The following CPXCR1 variants were observed in gnomAD, a reference collection of about 807,000 sequenced individuals.
CPXCR1 encodes the protein CPX chromosomal region candidate gene 1 protein.
In CPXCR1, 15 loss-of-function variants were observed where a neutral mutation model predicts 13.8. The observed-to-expected ratio is 1.09, with a 90% CI of 0.73 to 1.67. CPXCR1 has a LOEUF of 1.67. Ranked by LOEUF, CPXCR1 falls within the 40% of genes most tolerant of loss-of-function variation. The pLI, the probability that CPXCR1 is intolerant of heterozygous loss-of-function variation, is 0.00. For synonymous variants in CPXCR1, 70 were observed against 76.7 expected (o/e 0.91, Z 0.46); for missense variants, 247 against 223.6 (o/e 1.10, Z -0.67).
At position 88,753,849 on chromosome X, in the gene CPXCR1, T is replaced by A. The variant is rs768808382; in HGVS notation, c.435T>A (p.Ser145Arg). 15 of 1,204,798 alleles carry A rather than the reference T, an allele frequency of 1.2e-5. No individual in the cohort carries two copies. The highest frequency in any genetic ancestry group is 1.8e-5 in the African/African-American group (1 of 56,977). The part of the protein sequence containing the change: ...STSWRVPFIN[S>R]HEIRSMILHL... ...CATGGAGAGTCCCATTTATTAACAGTCATGAGATAAGAAGTATGATTCTCC... is the reference window on the plus strand; with the variant it reads ...CATGGAGAGTCCCATTTATTAACAGACATGAGATAAGAAGTATGATTCTCC... The change falls in exon 3 of 3, where the codon AGT becomes AGA. Residue 145 changes from serine to arginine, a missense_variant. By Grantham distance (110) the Ser-to-Arg change is moderately radical. Coordinates refer to ENST00000276127, the MANE Select transcript of CPXCR1 (RefSeq NM_033048.6).
intron 2 of CPXCR1, among the ~76,000 whole-genome samples, chrX:88,750,405 G>T (rs1486448240): frequency 1.8e-5 from 2 of 111,711 alleles, no homozygotes; most frequent in African/African-American, 6.5e-5. Context: ...AACCAGCCTT[G>T]CATCCCAGGG....
At chrX:88,750,255 C>T (rs1032710977) in intron 2 of CPXCR1, among the ~76,000 whole-genome samples, 2 of 111,331 alleles carry the variant, frequency 1.8e-5, no homozygotes, top group African/African-American at 6.5e-5. Context: ...TCATCGATAC[C>T]TAGTCTATTG....
chrX:88,748,016 C>G (rs991229638), intron 1 of CPXCR1, among the ~76,000 whole-genome samples: 1 of 111,238 alleles, frequency 9.0e-6, no homozygotes, highest in Non-Finnish European at 1.9e-5. Flanking sequence ...TCTTTTGATT[C>G]TCAACAGGTC....
At position 88,753,696 on chromosome X, in the gene CPXCR1, C is replaced by T. The variant is rs1569255406; in HGVS notation, c.282C>T (p.Thr94=). 2.5e-6 allele frequency: 3 copies of T among 1,210,048 alleles called. No homozygotes were observed. Among genetic ancestry groups the T allele is most frequent in the Non-Finnish European group, 3.4e-6 (3 of 894,584 alleles). ...DLKEELLLLQ[T]PIPRKLVSHK... Reference sequence around the variant, plus strand: ...AAGAAGAGCTTCTTCTACTTCAGACCCCCATTCCCAGAAAATTGGTCTCTC... The same window carrying T: ...AAGAAGAGCTTCTTCTACTTCAGACTCCCATTCCCAGAAAATTGGTCTCTC... The change falls in exon 3 of 3, where the codon ACC becomes ACT. Residue 94 remains threonine, a synonymous_variant. Transcript: ENST00000276127.
In CPXCR1 at chrX:88,753,652, C is replaced by G. The variant is rs1192226811; in HGVS notation, c.238C>G (p.Gln80Glu). 1.7e-6 allele frequency: 2 copies of G among 1,208,234 alleles called. No individual in the cohort carries two copies. Among genetic ancestry groups the G allele is most frequent in the South Asian group, 1.8e-5 (1 of 56,485 alleles). ...GCTCGAAACAGAGATCCAAAAAGAT[C>G]AACGAGAAGAAGATCTAAAAGAAGA... Reference protein sequence around the residue: ...SELETEIQKDQREEDLKEELL... With the variant: ...SELETEIQKDEREEDLKEELL... Residue 80 changes from glutamine to glutamate, a missense_variant, in exon 3 of 3, where the codon CAA becomes GAA. Transcript: ENST00000276127.
At chrX:88,749,757 A>T (rs185021087) in intron 2 of CPXCR1, among the ~76,000 whole-genome samples, 1 of 110,071 alleles carries the variant, frequency 9.1e-6, no homozygotes, top group African/African-American at 3.3e-5. Context: ...ATAAGAAAGT[A>T]TCACATAGTA....
chrX:88,751,139 C>A (rs1337599579), intron 2 of CPXCR1, among the ~76,000 whole-genome samples: 1 of 111,325 alleles, frequency 9.0e-6, no homozygotes, highest in Non-Finnish European at 1.9e-5. Flanking sequence ...CCTTGCTTCT[C>A]TAATTCTTTT....
At chrX:88,752,871 G>T (rs984001915) in intron 2 of CPXCR1, among the ~76,000 whole-genome samples, 1 of 111,343 alleles carries the variant, frequency 9.0e-6, no homozygotes, top group East Asian at 2.8e-4. Flanking sequence ...AAAAACGTAG[G>T]TTTTTAAGAA....
At chrX:88,748,698 TTA>T (rs1358026288) in intron 1 of CPXCR1, among the ~76,000 whole-genome samples, 1 of 110,605 alleles carries the variant, frequency 9.0e-6, no homozygotes, top group African/African-American at 3.3e-5. Context: ...ATATCACATA[TTA>T]TGTTTATTGA....
intron 2 of CPXCR1, 140 bp from the exon 3 acceptor site, chrX:88,753,267 C>T (rs1345216047): frequency 2.3e-5 from 8 of 347,458 alleles, no homozygotes; most frequent in Non-Finnish European, 3.9e-5. Context: ...GGGTTTGTGA[C>T]TCTGATACAA....
In CPXCR1 at chrX:88,747,336, G is replaced by A. The variant is rs966616994; in HGVS notation, c.-148G>A. 6 of 112,430 alleles carry A rather than the reference G, an allele frequency of 5.3e-5. No individual in the cohort carries two copies. Among genetic ancestry groups the A allele is most frequent in the African/African-American group, 1.9e-4 (6 of 30,970 alleles). 9.3% of individuals were successfully genotyped at this position (112,430 alleles called of 1,213,427 possible). On this transcript the variant is annotated 5_prime_UTR_variant, in exon 1 of 3. Transcript: ENST00000276127. ...GAATGAGAATGAAGATAAACTGTGAGTTGAAAGTGAAAGAGAAAGCATAAG... is the reference window on the plus strand; with the variant it reads ...GAATGAGAATGAAGATAAACTGTGAATTGAAAGTGAAAGAGAAAGCATAAG...
chrX:88,753,385 T>A lies in CPXCR1; in HGVS notation c.-8-22T>A, dbSNP rs771589228. 3.1e-5 allele frequency: 28 copies of A among 913,922 alleles called. No individual in the cohort carries two copies. The Middle Eastern group carries it at 8.8e-4, about 29-fold the overall frequency. 75.3% of individuals were successfully genotyped at this position (913,922 alleles called of 1,213,427 possible). ...GAACATACATAAATTTAGTAAATCT[T>A]TGTCTTCTTTCCCATAAATAGAACC... On this transcript the variant is annotated intron_variant, in intron 2 of 2. Coordinates refer to ENST00000276127, the MANE Select transcript of CPXCR1 (RefSeq NM_033048.6).
At chrX:88,751,936 G>A (rs1358111301) in intron 2 of CPXCR1, among the ~76,000 whole-genome samples, 1 of 111,406 alleles carries the variant, frequency 9.0e-6, no homozygotes, top group Non-Finnish European at 1.9e-5. Context: ...TTTAAATCCT[G>A]CTAACTTATC....
intron 1 of CPXCR1, among the ~76,000 whole-genome samples, chrX:88,749,073 TC>T (rs1924851107): frequency 3.3e-5 from 2 of 61,066 alleles, no homozygotes; most frequent in South Asian, 2.9e-3. Context: ...ATGCTATCCC[TC>T]CCCCCTCCCC....
Position 88,752,524 on chromosome X carries a change from TTTTATTTATTTATTTA to T in CPXCR1, c.-8-858_-8-843del, listed in dbSNP as rs58707373. On this transcript the variant is annotated intron_variant, in intron 2 of 2. Transcript: ENST00000276127. ...ACATTACTTTTATTTTATTTATCCA[TTTTATTTATTTATTTA>T]TTTATTTATTTATTTATTTATTTAA... Among the ~76,000 whole-genome samples, 205 of 96,878 alleles carry T rather than the reference TTTTATTTATTTATTTA, an allele frequency of 2.1e-3. 4 individuals are homozygous for T. The South Asian group carries it at 0.041, about 19-fold the overall frequency. The allele number at this position is 96,878 out of a possible 115,157, so 84.1% of individuals were successfully genotyped here.
intron 2 of CPXCR1, among the ~76,000 whole-genome samples, chrX:88,752,054 T>G (rs1372485297): frequency 8.9e-6 from 1 of 112,195 alleles, no homozygotes; most frequent in Non-Finnish European, 1.9e-5. Context: ...TCAGCCCACT[T>G]GCATTCGCCT....
intron 1 of CPXCR1, among the ~76,000 whole-genome samples, chrX:88,748,162 A>T (rs1924820224): frequency 1.8e-5 from 2 of 111,296 alleles, no homozygotes; most frequent in Non-Finnish European, 3.8e-5. Context: ...TTTAAACATT[A>T]TAATTTTAAA....
rs1389266282 is a variant in CPXCR1 at position 88,753,436 on chromosome X, G to C, written c.22G>C (p.Gly8Arg). 1 of 1,128,562 alleles carries C rather than the reference G, an allele frequency of 8.9e-7. No homozygotes were observed. The allele number at this position is 1,128,562 out of a possible 1,213,427, so 93.0% of individuals were successfully genotyped here. A position where few individuals can be genotyped will look rare whatever the true frequency, so the allele number is the denominator to read the frequency against. Residue 8 changes from glycine to arginine, a missense_variant, in exon 3 of 3, where the codon GGA (glycine) becomes CGA (arginine). By Grantham distance (125) the Gly-to-Arg change is moderately radical. Transcript: ENST00000276127. ...CAGGATGAGTTATCCTACTAAAGAAGGAAGTGATACAGCTGGAAATGCTCA... is the reference window on the plus strand; with the variant it reads ...CAGGATGAGTTATCCTACTAAAGAACGAAGTGATACAGCTGGAAATGCTCA... The part of the protein sequence containing the change: MSYPTKE[G>R]SDTAGNAHKN...
chrX:88,751,514 G>A lies in CPXCR1; in HGVS notation c.-8-1893G>A, dbSNP rs1377970991. 7.2e-5 allele frequency among the ~76,000 whole-genome samples: 8 copies of A among 111,305 alleles called. No individual in the cohort carries two copies. In the East Asian group the frequency reaches 1.1e-3, roughly 16 times the overall value. On this transcript the variant is annotated intron_variant, in intron 2 of 2. Transcript: ENST00000276127. ...ATGTGTTCAATTTTAGAATAAGTGC[G>A]ATGTGGTGCTGAGAAGAATGTATAT...
Sources: allele counts gnomAD v4.1 joint callset (sites outside exome capture counted in the v4.1 genomes callset), GRCh38; gene constraint gnomAD v4.1.1; transcripts MANE v1.5; gene names NCBI Gene and HGNC (gene_info 2026-07-23, HGNC 2026-07-21).